TMEM114: variants seen among roughly 807,000 people sequenced by gnomAD.
TMEM114 encodes claudin-26.
A neutral mutation model predicts 6.2 loss-of-function variants in TMEM114; 6 were observed. That is an observed-to-expected ratio of 0.97 (90% CI 0.53 to 1.91). The LOEUF (loss-of-function observed/expected upper bound fraction) is 1.91, where lower values mean the gene tolerates loss of function less well. TMEM114 is among the 40% of genes most tolerant of loss of function. The pLI is 0.01. For synonymous variants in TMEM114, 104 were observed against 73.0 expected, an observed-to-expected ratio of 1.42 and a Z score of -2.16; for missense variants, 218 against 158.3, an observed-to-expected ratio of 1.38 and a Z score of -2.02.
intron 2 of TMEM114, among the ~76,000 whole-genome samples, chr16:8,553,354 A>G (rs1167060802): frequency 1.3e-5 from 2 of 152,198 alleles, no homozygotes; most frequent in Admixed American, 6.5e-5. Flanking sequence ...GAGAACGAAA[A>G]TAGCTGTAGA....
chr16:8,578,916 T>C (rs1006581515), intron 2 of TMEM114, among the ~76,000 whole-genome samples: 3 of 151,722 alleles, frequency 2.0e-5, no homozygotes, highest in Admixed American at 2.0e-4. Context: ...GAGGCGGAGG[T>C]CACAGTGAGC....
downstream of TMEM114, among the ~76,000 whole-genome samples, chr16:8,534,716 T>C (rs1900307059): frequency 6.6e-6 from 1 of 152,224 alleles, no homozygotes. Context: ...GGACTCTCAC[T>C]TATAAAATCT....
At chr16:8,577,915 T>C (rs541565871) in intron 2 of TMEM114, among the ~76,000 whole-genome samples, 2 of 152,308 alleles carry the variant, frequency 1.3e-5, no homozygotes, top group African/African-American at 2.4e-5. Context: ...CCTGAGCGCA[T>C]GCATTCATTC....
At chr16:8,566,092 C>G (rs1195978687), downstream of TMEM114, among the ~76,000 whole-genome samples, 4 of 152,094 alleles carry the variant, frequency 2.6e-5, no homozygotes, top group African/African-American at 9.7e-5. Flanking sequence ...TGGATCGGGC[C>G]AGGCACGGTG....
rs189916458 is a variant in TMEM114, at chr16:8,554,408, T to A, written n.213-16582A>T. ...ACTCTGTCTCTAATAATAATAATAA[T>A]AATAATAATAATAAAAATGAGGCAC... is the stretch of plus-strand genomic sequence containing the variant. On this transcript the variant is annotated intron_variant and non_coding_transcript_variant, in intron 2 of 2. Transcript: ENST00000623677. Among the ~76,000 whole-genome samples, 110 of 151,812 alleles carry A rather than the reference T, an allele frequency of 7.2e-4. 1 individual carries two copies. In the East Asian group the frequency reaches 0.016, roughly 22 times the overall value.
downstream of TMEM114, among the ~76,000 whole-genome samples, chr16:8,565,382 G>C (rs141583647): frequency 5.8e-4 from 89 of 152,314 alleles, no homozygotes; most frequent in African/African-American, 2.0e-3. Context: ...TAAATGAATG[G>C]ATCTTCTTTG....
downstream of TMEM114, among the ~76,000 whole-genome samples, chr16:8,536,849 T>A (rs1172394679): frequency 6.6e-6 from 1 of 152,132 alleles, no homozygotes; most frequent in Non-Finnish European, 1.5e-5. Context: ...AGGGCACTTG[T>A]TTGTTTCAAA....
intron 2 of TMEM114, among the ~76,000 whole-genome samples, chr16:8,556,288 G>C (rs1271724893): frequency 6.6e-6 from 1 of 152,122 alleles, no homozygotes; most frequent in East Asian, 1.9e-4. Flanking sequence ...CATCACTCAA[G>C]CTATAGACAG....
At chr16:8,542,149 G>T (rs550851086) in intron 2 of TMEM114, among the ~76,000 whole-genome samples, 1 of 151,790 alleles carries the variant, frequency 6.6e-6, no homozygotes, top group Admixed American at 6.6e-5. Context: ...TCGTGGGGGG[G>T]GGTCCCTTGA....
Position 8,569,607 on chromosome 16 carries a change from ACAGC to A in TMEM114, c.*162_*165del. 2.8e-6 allele frequency: 4 copies of A among 1,432,838 alleles called. No individual in the cohort carries two copies. The highest frequency in any genetic ancestry group is 3.6e-6 in the Non-Finnish European group (4 of 1,097,714). The allele number at this position is 1,432,838 out of a possible 1,614,324, so 88.8% of individuals were successfully genotyped here. On this transcript the variant is annotated 3_prime_UTR_variant, in exon 4 of 4. Coordinates refer to ENST00000620492, the MANE Select transcript of TMEM114 (RefSeq NM_001146336.2). The stretch of plus-strand genomic sequence containing the variant: ...ACATAAGCACACAGGTACTAGGATA[ACAGC>A]CAGGCCCCAAGCTTAGTCCGCGGGG...
At chr16:8,582,983 A>G (rs1251701459) in intron 2 of TMEM114, among the ~76,000 whole-genome samples, 3 of 152,110 alleles carry the variant, frequency 2.0e-5, no homozygotes, top group Non-Finnish European at 4.4e-5. Context: ...GGAAAAGGAA[A>G]GGAAACTGCT....
At chr16:8,566,820 C>T (rs1177817922), downstream of TMEM114, among the ~76,000 whole-genome samples, 1 of 152,106 alleles carries the variant, frequency 6.6e-6, no homozygotes, top group Non-Finnish European at 1.5e-5. Context: ...CACAATGTCA[C>T]CTCCTCCAAG....
rs146087537 is a variant in TMEM114 at position 8,545,156 on chromosome 16, G to C, written n.213-7330C>G. ...TGTTCTTGATCACTAGTCTATTTTT[G>C]GCCAGGCTCAATGGCTCACACCTGT... On this transcript the variant is annotated intron_variant and non_coding_transcript_variant, in intron 2 of 2. Coordinates refer to the TMEM114 transcript ENST00000623677. Among the ~76,000 whole-genome samples, 862 of 151,908 alleles carry C rather than the reference G, an allele frequency of 5.7e-3. 5 individuals are homozygous for C. The highest frequency in any genetic ancestry group is 0.02 in the African/African-American group (813 of 41,410).
chr16:8,569,967 ACG>A lies in TMEM114; in HGVS notation c.476_477del (p.Ala159ValfsTer115). The A allele has an allele frequency of 6.4e-7, 1 of 1,550,922 alleles. No individual in the cohort carries two copies. Among genetic ancestry groups the A allele is most frequent in the East Asian group, 2.4e-5 (1 of 40,906 alleles). ...GCCTCCCGGAAGGCGGCGGCTGAATACGCTATGTAGACGCTGATCCCAGCGAG... is the reference window on the plus strand; with the variant it reads ...GCCTCCCGGAAGGCGGCGGCTGAATACTATGTAGACGCTGATCCCAGCGAG... Reference protein sequence around the residue: ...VTLAGISVYIAYSAAAFREAL... With the variant: ...VTLAGISVYIXYSAAAFREAL... On this transcript the variant is annotated frameshift_variant, in exon 4 of 4. Transcript: ENST00000620492. LOFTEE classifies it high-confidence loss of function.
At chr16:8,552,821 A>ACCCCT (rs35610008) in intron 2 of TMEM114, among the ~76,000 whole-genome samples, 2 of 151,016 alleles carry the variant, frequency 1.3e-5, no homozygotes, top group African/African-American at 2.4e-5. Flanking sequence ...TTCTGCACAA[A>ACCCCT]CCCCTCCCCT....
At chr16:8,541,573 C>CACT (rs1406067054) in intron 2 of TMEM114, among the ~76,000 whole-genome samples, 2 of 152,098 alleles carry the variant, frequency 1.3e-5, no homozygotes, top group African/African-American at 4.8e-5. Context: ...CATGAAGCTT[C>CACT]ATTCCAGTCC....
rs939227437 is a variant in TMEM114 at position 8,587,585 on chromosome 16, A to G, written c.301+1628T>C. 1.2e-3 allele frequency among the ~76,000 whole-genome samples: 180 copies of G among 152,384 alleles called. 1 individual carries two copies. The highest frequency in any genetic ancestry group is 4.1e-3 in the African/African-American group (172 of 41,588). ...TCCAAGAACTGGCCAAGGCCAGCAC[A>G]GCTGGAAAGAAAGGAGTAAAGCGGA... On this transcript the variant is annotated intron_variant, in intron 2 of 3. Transcript: ENST00000620492.
chr16:8,583,866 T>C (rs1323371765), intron 2 of TMEM114, among the ~76,000 whole-genome samples: 1 of 152,096 alleles, frequency 6.6e-6, no homozygotes, highest in East Asian at 1.9e-4. Flanking sequence ...CTGCCTGTGA[T>C]CATGTGACCA....
intron 2 of TMEM114, among the ~76,000 whole-genome samples, chr16:8,545,210 G>T (rs2141652964): frequency 6.6e-6 from 1 of 152,218 alleles, no homozygotes; most frequent in South Asian, 2.1e-4. Flanking sequence ...GGCCAAGGTG[G>T]GAAGATTACT....
Sources: gnomAD v4.1 joint callset for allele counts (sites outside exome capture counted in the v4.1 genomes callset) on GRCh38, gnomAD v4.1.1 for gene constraint, MANE v1.5 for transcripts, NCBI Gene and HGNC (gene_info 2026-07-23, HGNC 2026-07-21) for gene names.